Variants in GRIK2 observed in about 807,000 individuals in gnomAD.
GRIK2 encodes the protein glutamate receptor ionotropic, kainate 2.
Under a neutral mutation model 100.3 loss-of-function variants are expected in GRIK2, and 32 were observed. The ratio of observed to expected loss-of-function variants is 0.32; its 90% CI spans 0.24 to 0.43. The LOEUF (loss-of-function observed/expected upper bound fraction) is 0.43, where lower values mean the gene tolerates loss of function less well. Ranked by LOEUF, GRIK2 falls within the 20% of genes least tolerant of loss-of-function variation. The pLI is 1.00. For missense variants in GRIK2, 843 were observed against 1,114.9 expected, an observed-to-expected ratio of 0.76 and a Z score of 3.47; for synonymous variants, 417 against 389.4, an observed-to-expected ratio of 1.07 and a Z score of -0.83.
At chr6:101,541,267 G>C (rs984330940) in intron 2 of GRIK2, among the ~76,000 whole-genome samples, 1 of 151,906 alleles carries the variant, frequency 6.6e-6, no homozygotes, top group African/African-American at 2.4e-5. Context: ...CCAGAACCAA[G>C]GTTCAGTAAG....
At chr6:101,646,254 A>G (rs368250343) in intron 4 of GRIK2, among the ~76,000 whole-genome samples, 1 of 151,946 alleles carries the variant, frequency 6.6e-6, no homozygotes, top group Non-Finnish European at 1.5e-5. Context: ...TCCAATAACT[A>G]TATTCTGACA....
At chr6:102,054,862 A>G (rs1316972303) in intron 15 of GRIK2, among the ~76,000 whole-genome samples, 3 of 152,172 alleles carry the variant, frequency 2.0e-5, no homozygotes, top group Non-Finnish European at 4.4e-5. Context: ...ATACCATTGA[A>G]TACAGCTTAT....
At chr6:101,932,949 T>C (rs1314631215) in intron 14 of GRIK2, among the ~76,000 whole-genome samples, 1 of 151,978 alleles carries the variant, frequency 6.6e-6, no homozygotes, top group Non-Finnish European at 1.5e-5. Context: ...CAATTTCTTC[T>C]TAACCTTTAA....
chr6:101,819,264 A>C (rs948530784), intron 10 of GRIK2, among the ~76,000 whole-genome samples: 3 of 152,206 alleles, frequency 2.0e-5, no homozygotes, highest in Non-Finnish European at 4.4e-5. Context: ...GTCAGTAAAA[A>C]TTGAGAGTAA....
intron 11 of GRIK2, among the ~76,000 whole-genome samples, chr6:101,865,909 A>G (rs1388969017): frequency 6.6e-6 from 1 of 151,780 alleles, no homozygotes; most frequent in African/African-American, 2.4e-5. Flanking sequence ...AAAAAAAAAA[A>G]AGAAAGAAAT....
chr6:101,685,069 T>C (rs1771580333), intron 6 of GRIK2, among the ~76,000 whole-genome samples: 1 of 152,126 alleles, frequency 6.6e-6, no homozygotes, highest in African/African-American at 2.4e-5. Context: ...ACAGCTAAGA[T>C]CCCATCTGCT....
intron 9 of GRIK2, among the ~76,000 whole-genome samples, chr6:101,817,649 T>C (rs1281068546): frequency 6.6e-6 from 1 of 152,218 alleles, no homozygotes; most frequent in Non-Finnish European, 1.5e-5. Flanking sequence ...ATCTGCATTA[T>C]CTCATAGTCT....
chr6:102,006,293 C>A (rs1246707637), intron 14 of GRIK2, among the ~76,000 whole-genome samples: 3 of 144,716 alleles, frequency 2.1e-5, no homozygotes, highest in African/African-American at 8.2e-5. Context: ...AGGAGGCTAT[C>A]TTTTATTTCT....
chr6:101,526,130 G>T (rs1775143855), intron 2 of GRIK2, among the ~76,000 whole-genome samples: 1 of 152,148 alleles, frequency 6.6e-6, no homozygotes, highest in Non-Finnish European at 1.5e-5. Context: ...CCTCAGTGCA[G>T]ATGGCTCACT....
chr6:101,586,155 A>T lies in GRIK2; in HGVS notation c.116-35794A>T, dbSNP rs190992664. ...TTCTCACCCAGGAATAAGAAGCAATAGGTCAGTGTAGGGCATAAATTTGGA... is the reference window on the plus strand; with the variant it reads ...TTCTCACCCAGGAATAAGAAGCAATTGGTCAGTGTAGGGCATAAATTTGGA... On this transcript the variant is annotated intron_variant, in intron 2 of 16. Coordinates refer to ENST00000369134, the MANE Select transcript of GRIK2 (RefSeq NM_021956.5). Among the ~76,000 whole-genome samples the T allele has an allele frequency of 2.6e-5, 4 of 152,122 alleles. No homozygotes were observed. In the East Asian group the frequency reaches 7.8e-4, roughly 30 times the overall value.
intron 12 of GRIK2, among the ~76,000 whole-genome samples, chr6:101,922,096 CT>C (rs373993293): frequency 1.5e-4 from 3 of 20,244 alleles, no homozygotes; most frequent in Admixed American, 4.7e-4. Context: ...TCCTTCCTTC[CT>C]TCCTTCCTTC....
At chr6:101,962,901 A>G (rs1792393131) in intron 14 of GRIK2, among the ~76,000 whole-genome samples, 1 of 151,742 alleles carries the variant, frequency 6.6e-6, no homozygotes. Context: ...TGCCTGACAT[A>G]TCTTTTGCTA....
At chr6:101,607,562 A>G (rs1779492855) in intron 2 of GRIK2, among the ~76,000 whole-genome samples, 1 of 151,988 alleles carries the variant, frequency 6.6e-6, no homozygotes, top group South Asian at 2.1e-4. Flanking sequence ...GCTCCCAGCT[A>G]GGGAGTTATT....
intron 1 of GRIK2, among the ~76,000 whole-genome samples, chr6:101,394,953 A>G (rs1222476351): frequency 6.6e-6 from 1 of 152,252 alleles, no homozygotes; most frequent in East Asian, 1.9e-4. Context: ...TTTAAAAAAA[A>G]AAGTTCTGGG....
chr6:101,522,046 A>G (rs1010940619), intron 2 of GRIK2, among the ~76,000 whole-genome samples: 1 of 152,134 alleles, frequency 6.6e-6, no homozygotes. Context: ...CTTAAGTTGC[A>G]TAACTGTACA....
chr6:101,708,653 T>A (rs866834234), intron 7 of GRIK2, among the ~76,000 whole-genome samples: 6 of 151,768 alleles, frequency 4.0e-5, no homozygotes, highest in Non-Finnish European at 8.8e-5. Flanking sequence ...GAATCTGTTT[T>A]TATATATATG....
chr6:101,656,129 C>G (rs1782052013), intron 4 of GRIK2, among the ~76,000 whole-genome samples: 1 of 151,416 alleles, frequency 6.6e-6, no homozygotes, highest in Non-Finnish European at 1.5e-5. Flanking sequence ...ATGGGGAGAC[C>G]CCATCTCTAC....
intron 11 of GRIK2, among the ~76,000 whole-genome samples, chr6:101,880,033 A>T (rs1786138315): frequency 6.6e-6 from 1 of 152,062 alleles, no homozygotes; most frequent in South Asian, 2.1e-4. Flanking sequence ...AAGTTGAAAC[A>T]TCATGTTGTC....
intron 2 of GRIK2, among the ~76,000 whole-genome samples, chr6:101,555,121 G>T (rs1776677251): frequency 6.6e-6 from 1 of 152,122 alleles, no homozygotes; most frequent in South Asian, 2.1e-4. Flanking sequence ...GTAGTTTTTA[G>T]GTTTCCTTCT....
Sources: allele counts gnomAD v4.1 joint callset (sites outside exome capture counted in the v4.1 genomes callset), GRCh38; gene constraint gnomAD v4.1.1; transcripts MANE v1.5; gene names NCBI Gene and HGNC (gene_info 2026-07-23, HGNC 2026-07-21).